SCRIB: variants seen among roughly 807,000 people sequenced by gnomAD.
The protein encoded by SCRIB is scribble planar cell polarity protein, also known as protein scribble homolog.
SCRIB carries 72 observed loss-of-function variants against 170.0 expected under a neutral mutation model. That is an observed-to-expected ratio of 0.42 (90% CI 0.35 to 0.52). The LOEUF is 0.52. Ranked by LOEUF, SCRIB falls within the 20% of genes least tolerant of loss-of-function variation. The probability of loss-of-function intolerance (pLI) is 0.02; values close to 1 mark genes in which losing one functional copy is unlikely to be tolerated. For missense variants in SCRIB, 2,475 were observed against 2,338.5 expected (o/e 1.06, Z -1.20); for synonymous variants, 1,298 against 1,044.3 (o/e 1.24, Z -4.68).
intron 24 of SCRIB, among the ~76,000 whole-genome samples, chr8:143,801,886 C>A (rs376401230): frequency 2.9e-4 from 44 of 152,226 alleles, no homozygotes; most frequent in Admixed American, 9.2e-4. Context: ...CCTCCTATAC[C>A]GACATGTCAC....
At chr8:143,811,769 T>A (rs1337020239) in intron 9 of SCRIB, among the ~76,000 whole-genome samples, 1 of 151,946 alleles carries the variant, frequency 6.6e-6, no homozygotes, top group Admixed American at 6.5e-5. Context: ...AGTCCCTTTC[T>A]CCATCTCCCC....
rs372258905 is a variant in SCRIB at position 143,805,223 on chromosome 8, G to T, written c.2559C>A (p.Ser853Arg). The T allele has an allele frequency of 1.9e-6, 3 of 1,551,324 alleles. No homozygotes were observed. The highest frequency in any genetic ancestry group is 1.4e-5 in the African/African-American group (1 of 73,298). ...CGTGGCGCTGACGGAGGGGCCCGGGGCTCTCAGGCGGGAGCAGGGGCAGGC... is the reference window on the plus strand; with the variant it reads ...CGTGGCGCTGACGGAGGGGCCCGGGTCTCTCAGGCGGGAGCAGGGGCAGGC... ...GLRLPLLPPE[S>R]PGPLRQRHVA... The change falls in exon 19 of 37, where the codon AGC becomes AGA. Residue 853 changes from serine to arginine, a missense_variant. Physicochemically the swap from Ser to Arg is moderately radical, Grantham distance 110. This residue lies in a region of SCRIB where 1,966 missense variants were observed against 1,742.9 expected (regional missense o/e 1.13). Coordinates refer to ENST00000356994, the MANE Select transcript of SCRIB (RefSeq NM_182706.5).
chr8:143,796,247 G>T (rs1334984529), intron 24 of SCRIB, among the ~76,000 whole-genome samples: 1 of 152,138 alleles, frequency 6.6e-6, no homozygotes, highest in Non-Finnish European at 1.5e-5. Context: ...CCTGCGGCGG[G>T]CAACGGGACT....
Position 143,809,591 on chromosome 8 carries a change from G to C in SCRIB, c.1658C>G (p.Thr553Ser), listed in dbSNP as rs1441982288. ...AQGGSQQEATTAGGEEDAEED... is the reference protein window; with the variant it reads ...AQGGSQQEATSAGGEEDAEED... ...TTCGGCGTCTTCCTCCCCGCCAGCA[G>C]TCGTGGCTTCCTGCTGGCTCCCACC... The change falls in exon 14 of 37, where the codon ACT (threonine) becomes AGT (serine). Residue 553 changes from threonine (T) to serine (S), a missense_variant. By Grantham distance (58) the Thr-to-Ser change is moderately conservative. Coordinates refer to ENST00000356994, the MANE Select transcript of SCRIB (RefSeq NM_182706.5). 4 of 1,611,676 alleles carry C rather than the reference G, an allele frequency of 2.5e-6. No individual in the cohort carries two copies. Among genetic ancestry groups the C allele is most frequent in the Non-Finnish European group, 3.4e-6 (4 of 1,179,880 alleles).
chr8:143,807,513 G>C, intron 16 of SCRIB, 39 bp downstream of exon 16: 1 of 1,562,284 alleles, frequency 6.4e-7, no homozygotes, highest in Non-Finnish European at 8.8e-7. Flanking sequence ...AGCAAGGCCA[G>C]CAGCGGCCCG....
intron 1 of SCRIB, 148 bp downstream of exon 1, chr8:143,815,066 G>A (rs1816006183): frequency 4.4e-6 from 4 of 902,854 alleles, no homozygotes; most frequent in Admixed American, 3.8e-5. Flanking sequence ...GGAAGAGAAG[G>A]GTGGGGCTGG....
rs1554636044 is a variant in SCRIB, at chr8:143,804,931, C to T, written c.2751+3G>A. On this transcript the variant is annotated splice_donor_region_variant and intron_variant, in intron 20 of 36. Coordinates refer to ENST00000356994, the MANE Select transcript of SCRIB (RefSeq NM_182706.5). ...GGTGGGGCGGGGCCCCATCCCCACT[C>T]ACAGAGAGGACGCGGTCGCCAACCT... 4 of 1,551,238 alleles carry T rather than the reference C, an allele frequency of 2.6e-6. No homozygotes were observed. Among genetic ancestry groups the T allele is most frequent in the Non-Finnish European group, 3.5e-6 (4 of 1,154,754 alleles).
rs1815354259 is a variant in SCRIB, at chr8:143,805,020, G to A, written c.2671-6C>T. The A allele has an allele frequency of 6.3e-7, 1 of 1,586,726 alleles. No homozygotes were observed. The highest frequency in any genetic ancestry group is 1.1e-5 in the South Asian group (1 of 87,616). On this transcript the variant is annotated splice_polypyrimidine_tract_variant and splice_region_variant and intron_variant, in intron 19 of 36. Coordinates refer to ENST00000356994, the MANE Select transcript of SCRIB (RefSeq NM_182706.5). ...ATGCGGGAGACGAAGATGCCCTGCAGGGGAGGGTGGAGGAGGCAGGGCTGC... is the reference window on the plus strand; with the variant it reads ...ATGCGGGAGACGAAGATGCCCTGCAAGGGAGGGTGGAGGAGGCAGGGCTGC...
chr8:143,804,876 GGGCGC>G, intron 20 of SCRIB, 51 bp from the exon 21 acceptor site: 1 of 1,532,306 alleles, frequency 6.5e-7, no homozygotes, highest in Non-Finnish European at 8.7e-7. Context: ...AGGGGACAGA[GGGCGC>G]GGGGCGGGGC....
chr8:143,792,831 G>T lies in SCRIB; in HGVS notation c.4054C>A (p.Leu1352Met). The T allele has an allele frequency of 6.5e-7, 1 of 1,543,724 alleles. No homozygotes were observed. Residue 1352 changes from leucine (L) to methionine (M), a missense_variant, in exon 30 of 37, where the codon CTG becomes ATG. By Grantham distance (15) the Leu-to-Met change is conservative. Transcript: ENST00000356994. ...TACTTCTGCCGCTCCCGGAAGGACAGCTGCTCCGGGGAGGCTGCAGGCCCA... is the reference window on the plus strand; with the variant it reads ...TACTTCTGCCGCTCCCGGAAGGACATCTGCTCCGGGGAGGCTGCAGGCCCA... ...TPGPAASPEQLSFRERQKYFE... is the reference protein window; with the variant it reads ...TPGPAASPEQMSFRERQKYFE...
Position 143,795,050 on chromosome 8 carries a change from G to T in SCRIB, c.3834C>A (p.Gly1278=), listed in dbSNP as rs988121724. Residue 1278 remains glycine, a synonymous_variant, in exon 27 of 37, where the codon GGC becomes GGA. Transcript: ENST00000356994. ...YRALAAVPSA[G]SVQRVPSGAA... ...ACTGGGCACTCACCCTCTGCACGCT[G>T]CCAGCGCTGGGCACGGCGGCCAGGG... 1.9e-6 allele frequency: 3 copies of T among 1,610,678 alleles called. No homozygotes were observed. The highest frequency in any genetic ancestry group is 1.1e-5 in the South Asian group (1 of 90,946).
At chr8:143,794,911 G>A (rs576299690) in intron 27 of SCRIB, 127 bp downstream of exon 27, 7 of 826,170 alleles carry the variant, frequency 8.5e-6, no homozygotes, top group East Asian at 7.6e-5. Context: ...CAGGTCAGAC[G>A]TGGCCTCCTC....
rs371858325 is a variant in SCRIB at position 143,795,356 on chromosome 8, C to G, written c.3715-23G>C. On this transcript the variant is annotated intron_variant, in intron 25 of 36. Transcript: ENST00000356994. ...CTCCTGTGAGCAGAGCAGAGCAGACCCGTCAGGCACCACCGGCCTCGGGCT... is the reference window on the plus strand; with the variant it reads ...CTCCTGTGAGCAGAGCAGAGCAGACGCGTCAGGCACCACCGGCCTCGGGCT... The G allele has an allele frequency of 1.5e-5, 24 of 1,612,538 alleles. No homozygotes were observed. In the African/African-American group the frequency reaches 2.8e-4, roughly 19 times the overall value.
intron 24 of SCRIB, among the ~76,000 whole-genome samples, chr8:143,800,178 CCTCT>C (rs1307286800): frequency 3.9e-5 from 6 of 152,282 alleles, no homozygotes; most frequent in African/African-American, 1.4e-4. Flanking sequence ...GACCCCAGCT[CCTCT>C]CTCTCAAGCC....
Position 143,792,579 on chromosome 8 carries a change from C to A in SCRIB, c.4234G>T (p.Ala1412Ser). 1.3e-6 allele frequency: 2 copies of A among 1,582,978 alleles called. No homozygotes were observed. The highest frequency in any genetic ancestry group is 1.7e-6 in the Non-Finnish European group (2 of 1,171,984). ...QMLREAAEAG[A>S]EARLALDGET... ...CCGTCCAGGGCGAGCCTCGCTTCGGCCCCAGCCTCTGCCGCCTCCCGCAGC... is the reference window on the plus strand; with the variant it reads ...CCGTCCAGGGCGAGCCTCGCTTCGGACCCAGCCTCTGCCGCCTCCCGCAGC... Residue 1412 changes from alanine (A) to serine (S), a missense_variant, in exon 31 of 37, where the codon GCC becomes TCC. This residue lies in a region of SCRIB where 1,966 missense variants were observed against 1,742.9 expected (regional missense o/e 1.13). Coordinates refer to ENST00000356994, the MANE Select transcript of SCRIB (RefSeq NM_182706.5).
In SCRIB at chr8:143,793,017, C is replaced by A. The variant is rs1554633351; in HGVS notation, c.3976G>T (p.Ala1326Ser). Residue 1326 changes from alanine to serine, a missense_variant, in exon 29 of 37, where the codon GCC becomes TCC. This residue lies in a region of SCRIB where 1,966 missense variants were observed against 1,742.9 expected (regional missense o/e 1.13). Transcript: ENST00000356994. ...TCAGGCGGGTGAGAAGTGGGCACGGCCGCGAAGGCCCTGTAGGCCTGCTTC... is the reference window on the plus strand; with the variant it reads ...TCAGGCGGGTGAGAAGTGGGCACGGACGCGAAGGCCCTGTAGGCCTGCTTC... ...NVKQAYRAFA[A>S]VPTSHPPEDA... 1 of 1,514,192 alleles carries A rather than the reference C, an allele frequency of 6.6e-7. No individual in the cohort carries two copies. The highest frequency in any genetic ancestry group is 2.2e-5 in the Admixed American group (1 of 44,574). The allele number at this position is 1,514,192 out of a possible 1,614,324, so 93.8% of individuals were successfully genotyped here.
intron 18 of SCRIB, 56 bp downstream of exon 18, chr8:143,806,351 C>A: frequency 7.3e-7 from 1 of 1,371,558 alleles, no homozygotes; most frequent in Non-Finnish European, 1.0e-6. Context: ...ATACCAGGGA[C>A]CATGTACCTC....
chr8:143,803,633 T>TG lies in SCRIB; in HGVS notation c.3414+13dup, dbSNP rs781949290. The TG allele has an allele frequency of 3.8e-3, 1,846 of 485,838 alleles. 9 individuals are homozygous for TG. Among genetic ancestry groups the TG allele is most frequent in the South Asian group, 0.011 (473 of 44,584 alleles). The allele number at this position is 485,838 out of a possible 1,614,324, so 30.1% of individuals were successfully genotyped here. ...GGGTGGGGCCCAGGGCGGGCTGGGG[T>TG]GGGGGGGGCTCACCTTGGAGATGAA... On this transcript the variant is annotated intron_variant, in intron 23 of 36. Transcript: ENST00000356994.
Position 143,813,746 on chromosome 8 carries a change from G to A in SCRIB, c.357-20C>T, listed in dbSNP as rs1283344053. On this transcript the variant is annotated intron_variant, in intron 3 of 36. Transcript: ENST00000356994. ...GGGAGCCTGGATGGGAGGAAGCAGA[G>A]GCCCTCGGATGACCAGTCCAGGGCT... 3.7e-6 allele frequency: 6 copies of A among 1,612,854 alleles called. No individual in the cohort carries two copies. Among genetic ancestry groups the A allele is most frequent in the Admixed American group, 1.7e-5 (1 of 59,984 alleles).
Sources: gnomAD v4.1 joint callset for allele counts (sites outside exome capture counted in the v4.1 genomes callset) on GRCh38, gnomAD v4.1.1 for gene constraint, gnomAD v4.1.1 regional missense constraint, MANE v1.5 for transcripts, NCBI Gene and HGNC (gene_info 2026-07-23, HGNC 2026-07-21) for gene names.